Variants in DAGLA observed in about 807,000 individuals in gnomAD.
DAGLA encodes the protein diacylglycerol lipase alpha.
In DAGLA, 22 loss-of-function variants were observed where a neutral mutation model predicts 102.6. The observed-to-expected ratio is 0.21, with a 90% CI of 0.15 to 0.31. The LOEUF (loss-of-function observed/expected upper bound fraction) is 0.31. DAGLA is among the 10% of genes least tolerant of loss of function. The probability of loss-of-function intolerance (pLI) is 1.00; values close to 1 mark genes in which losing one functional copy is unlikely to be tolerated. For missense variants in DAGLA, 927 were observed against 1,446.6 expected, an observed-to-expected ratio of 0.64 and a Z score of 5.83; for synonymous variants, 578 against 628.9, an observed-to-expected ratio of 0.92 and a Z score of 1.21.
At chr11:61,697,448 G>C (rs1032113061) in intron 1 of DAGLA, among the ~76,000 whole-genome samples, 3 of 152,120 alleles carry the variant, frequency 2.0e-5, no homozygotes, top group African/African-American at 7.2e-5. Context: ...GCCCCAGGTG[G>C]TGCCAAGGAC....
In DAGLA at chr11:61,743,868, G is replaced by C. The variant is rs762365512; in HGVS notation, c.2508G>C (p.Ser836=). The part of the protein sequence containing the change: ...AIPEENPSLS[S]RTELLAADSL... ...CCGAGGAAAACCCATCCCTGAGCTC[G>C]CGCACTGAGCTGCTGGCGGCCGACA... is the stretch of plus-strand genomic sequence containing the variant. The change falls in exon 20 of 20, where the codon TCG becomes TCC. Residue 836 remains serine, a synonymous_variant. Coordinates refer to ENST00000257215, the MANE Select transcript of DAGLA (RefSeq NM_006133.3). 1 of 1,612,298 alleles carries C rather than the reference G, an allele frequency of 6.2e-7. No homozygotes were observed. The highest frequency in any genetic ancestry group is 8.5e-7 in the Non-Finnish European group (1 of 1,179,910).
chr11:61,734,866 C>T lies in DAGLA; in HGVS notation c.992C>T (p.Ala331Val), dbSNP rs537875639. Residue 331 changes from alanine (A) to valine (V), a missense_variant, in exon 10 of 20, where the codon GCG becomes GTG. By Grantham distance (64) the Ala-to-Val change is moderately conservative (BLOSUM62 0). Transcript: ENST00000257215. This position sits in a 1 kb window ranked among gnomAD's most constrained non-coding sequence, Gnocchi z 4.2. The part of the protein sequence containing the change: ...ARSCSCCLCP[A>V]RPRFAPGVTI... Reference sequence around the variant, plus strand: ...CACCCTAGGTGTTGCCTGTGTCCTGCGAGGCCGCGGTTCGCCCCTGGAGTC... The same window carrying T: ...CACCCTAGGTGTTGCCTGTGTCCTGTGAGGCCGCGGTTCGCCCCTGGAGTC... 89 of 1,613,622 alleles carry T rather than the reference C, an allele frequency of 5.5e-5. 1 individual carries two copies. In the South Asian group the frequency reaches 8.3e-4, roughly 15 times the overall value.
chr11:61,736,184 A>C (rs1409813303), intron 12 of DAGLA, 86 bp from the exon 13 acceptor site: 3 of 1,127,478 alleles, frequency 2.7e-6, no homozygotes, highest in Non-Finnish European at 4.1e-6. Flanking sequence ...TGGATGGGGC[A>C]GGGTTCCTGA....
intron 6 of DAGLA, among the ~76,000 whole-genome samples, chr11:61,726,796 C>T (rs1235109416): frequency 6.6e-6 from 1 of 152,258 alleles, no homozygotes; most frequent in Non-Finnish European, 1.5e-5. Flanking sequence ...AAGTGCCTTC[C>T]ACGGAAGCCA....
chr11:61,710,098 G>C (rs1321624470), intron 1 of DAGLA, among the ~76,000 whole-genome samples: 1 of 152,116 alleles, frequency 6.6e-6, no homozygotes, highest in African/African-American at 2.4e-5. Context: ...GCTTCATTAG[G>C]GGGCCCCTAA....
At chr11:61,739,362 C>T (rs1182987482) in intron 16 of DAGLA, 103 bp from the exon 17 acceptor site, 5 of 1,187,398 alleles carry the variant, frequency 4.2e-6, no homozygotes, top group Non-Finnish European at 6.0e-6. Context: ...ATCTTACTGC[C>T]CACCTCTCAC....
Position 61,734,909 on chromosome 11 carries a change from C to T in DAGLA, c.1035C>T (p.Asn345=), listed in dbSNP as rs760567045. 3 of 1,614,142 alleles carry T rather than the reference C, an allele frequency of 1.9e-6. No homozygotes were observed. Among genetic ancestry groups the T allele is most frequent in the South Asian group, 1.1e-5 (1 of 91,090 alleles). ...CTGGAGTCACCATCGAGGAAGACAA[C>T]TGCTGTGGCTGTAATGCCATTGCCA... ...FAPGVTIEED[N]CCGCNAIAIR... is the part of the protein sequence containing the mutation. Residue 345 remains asparagine (N), a synonymous_variant, in exon 10 of 20, where the codon AAC becomes AAT. Coordinates refer to ENST00000257215, the MANE Select transcript of DAGLA (RefSeq NM_006133.3). This position sits in a 1 kb window ranked among gnomAD's most constrained non-coding sequence, Gnocchi z 4.2.
chr11:61,723,393 C>T, intron 4 of DAGLA, 41 bp from the exon 5 acceptor site: 1 of 1,598,460 alleles, frequency 6.3e-7, no homozygotes, highest in Non-Finnish European at 8.6e-7. Context: ...AGAGAGGTGT[C>T]CCCAGCGCCC....
chr11:61,710,697 C>A (rs186964871), intron 1 of DAGLA, among the ~76,000 whole-genome samples: 1 of 152,110 alleles, frequency 6.6e-6, no homozygotes, highest in Non-Finnish European at 1.5e-5. Context: ...AGCCTGCTCA[C>A]CTGTCTGTTT....
chr11:61,737,567 C>A, intron 14 of DAGLA, 120 bp from the exon 15 acceptor site: 1 of 1,116,466 alleles, frequency 9.0e-7, no homozygotes, highest in Non-Finnish European at 1.3e-6. Context: ...CACCAGCCAG[C>A]TCCCCGGGAG....
intron 19 of DAGLA, among the ~76,000 whole-genome samples, chr11:61,742,568 C>T (rs866506861): frequency 1.3e-5 from 2 of 152,142 alleles, no homozygotes; most frequent in Admixed American, 6.5e-5. Context: ...GGCTGGTCTG[C>T]GGAGCCAGGG....
chr11:61,722,356 C>T (rs1412899211), intron 3 of DAGLA, among the ~76,000 whole-genome samples: 6 of 152,148 alleles, frequency 3.9e-5, no homozygotes, highest in Admixed American at 6.5e-5. Context: ...GAGGCCGAGG[C>T]GGGTGGACCA....
At chr11:61,730,064 AG>A (rs2065360936) in intron 8 of DAGLA, among the ~76,000 whole-genome samples, 1 of 151,386 alleles carries the variant, frequency 6.6e-6, no homozygotes, top group African/African-American at 2.4e-5. Flanking sequence ...CTTAAAAAGA[AG>A]AAAAAAAAAA....
chr11:61,682,908 A>C (rs574683802), intron 1 of DAGLA, among the ~76,000 whole-genome samples: 1 of 152,056 alleles, frequency 6.6e-6, no homozygotes, highest in Non-Finnish European at 1.5e-5. Flanking sequence ...AAAGGGGGCT[A>C]CAGGCACCTC....
intron 1 of DAGLA, among the ~76,000 whole-genome samples, chr11:61,689,710 T>G (rs1655481021): frequency 7.3e-6 from 1 of 136,236 alleles, no homozygotes; most frequent in African/African-American, 2.6e-5. Context: ...TTCACCGTGT[T>G]AGCCAGGATG....
At chr11:61,715,946 G>C (rs541385259) in intron 1 of DAGLA, among the ~76,000 whole-genome samples, 18 of 152,342 alleles carry the variant, frequency 1.2e-4, no homozygotes, top group Admixed American at 7.2e-4. Flanking sequence ...AGCCAGAGGG[G>C]GGGGAGAGGG....
At chr11:61,695,887 C>A (rs1314276778) in intron 1 of DAGLA, among the ~76,000 whole-genome samples, 1 of 152,148 alleles carries the variant, frequency 6.6e-6, no homozygotes, top group Non-Finnish European at 1.5e-5. Context: ...CCCGGTGAGA[C>A]CCTGGAAAGC....
intron 8 of DAGLA, among the ~76,000 whole-genome samples, chr11:61,730,820 A>G (rs1243598947): frequency 6.6e-6 from 1 of 152,210 alleles, no homozygotes; most frequent in Non-Finnish European, 1.5e-5. Flanking sequence ...AAAGAACCCA[A>G]GGGCCAGAGA....
chr11:61,743,576 G>A lies in DAGLA; in HGVS notation c.2216G>A (p.Gly739Glu). ...SEMSLEGFSEGRLLSPVVAAA... is the reference protein window; with the variant it reads ...SEMSLEGFSEERLLSPVVAAA... ...ATGAGCCTGGAGGGCTTCTCGGAGG[G>A]GCGGCTGCTGTCGCCAGTGGTTGCG... The change falls in exon 20 of 20, where the codon GGG (glycine) becomes GAG (glutamate). Residue 739 changes from glycine to glutamate, a missense_variant. By Grantham distance (98) the Gly-to-Glu change is moderately conservative. Around this residue, in one of 4 missense-constraint regions of DAGLA, gnomAD observed 434 missense variants for 503.3 expected, o/e 0.86. Coordinates refer to ENST00000257215, the MANE Select transcript of DAGLA (RefSeq NM_006133.3). 2.6e-6 allele frequency: 4 copies of A among 1,553,944 alleles called. No individual in the cohort carries two copies. Among genetic ancestry groups the A allele is most frequent in the Non-Finnish European group, 3.5e-6 (4 of 1,156,642 alleles).
Sources: gnomAD v4.1 joint callset for allele counts (sites outside exome capture counted in the v4.1 genomes callset) on GRCh38, gnomAD v4.1.1 for gene constraint, gnomAD v4.1.1 regional missense constraint, Gnocchi (gnomAD v3.1) non-coding constraint, MANE v1.5 for transcripts, NCBI Gene and HGNC (gene_info 2026-07-23, HGNC 2026-07-21) for gene names.